NINL: variants seen among roughly 807,000 people sequenced by gnomAD.
The protein encoded by NINL is ninein-like protein.
NINL carries 153 observed loss-of-function variants against 160.3 expected under a neutral mutation model. The observed-to-expected ratio is 0.95, with a 90% CI of 0.84 to 1.09. The LOEUF (loss-of-function observed/expected upper bound fraction) is 1.09, where lower values mean the gene tolerates loss of function less well. Among genes scored for constraint, NINL ranks in the 50% least tolerant of loss-of-function variants. The probability of loss-of-function intolerance (pLI) is 0.00; values close to 1 mark genes in which losing one functional copy is unlikely to be tolerated. For missense variants in NINL, 1,829 were observed against 1,764.0 expected (o/e 1.04, Z -0.66); for synonymous variants, 800 against 734.8 (o/e 1.09, Z -1.43).
At chr20:25,488,495 A>G (rs1368969613) in intron 13 of NINL, among the ~76,000 whole-genome samples, 1 of 152,024 alleles carries the variant, frequency 6.6e-6, no homozygotes, top group Non-Finnish European at 1.5e-5. Flanking sequence ...AAGTGCTGGG[A>G]TTACAGGTGT....
In NINL at chr20:25,553,314, G is replaced by T. The variant is rs1021176698; in HGVS notation, c.-11-26716C>A. On this transcript the variant is annotated intron_variant, in intron 1 of 23. Coordinates refer to ENST00000278886, the MANE Select transcript of NINL (RefSeq NM_025176.6). ...CAGACATACTGTTACAAAAAAAACC[G>T]AAAACAAAAACAAAAATCCAAAGGT... 2.6e-5 allele frequency among the ~76,000 whole-genome samples: 4 copies of T among 151,776 alleles called. No homozygotes were observed. In the East Asian group the frequency reaches 7.7e-4, roughly 29 times the overall value.
intron 10 of NINL, 137 bp downstream of exon 10, chr20:25,496,524 CCT>C (rs1041493896): frequency 2.9e-5 from 30 of 1,037,896 alleles, no homozygotes; most frequent in African/African-American, 1.3e-4. Context: ...CTGGATTCCC[CCT>C]GACTCAGGTG....
rs141065152 is a variant in NINL, at chr20:25,458,454, G to A, written c.3772C>T (p.Arg1258Cys). The A allele has an allele frequency of 7.6e-5, 122 of 1,605,144 alleles. No homozygotes were observed. The highest frequency in any genetic ancestry group is 4.8e-4 in the African/African-American group (36 of 74,990). The change falls in exon 22 of 24, where the codon CGT becomes TGT. Residue 1258 changes from arginine (R) to cysteine (C), a missense_variant. By Grantham distance (180) the Arg-to-Cys change is radical (BLOSUM62 -3). Transcript: ENST00000278886. ...LQEVRLVPQD[R>C]VAELHRLLSL... Reference sequence around the variant, plus strand: ...AGCAGGCGATGCAGCTCGGCCACACGGTCCTGGGGCACCAGCCGGACCTCC... The same window carrying A: ...AGCAGGCGATGCAGCTCGGCCACACAGTCCTGGGGCACCAGCCGGACCTCC...
At chr20:25,525,736 C>T (rs1164056857) in intron 2 of NINL, among the ~76,000 whole-genome samples, 5 of 152,174 alleles carry the variant, frequency 3.3e-5, no homozygotes, top group African/African-American at 1.2e-4. Context: ...AGATAAGGCA[C>T]TGCTGTTAGC....
At chr20:25,524,823 G>T (rs773244161) in intron 2 of NINL, among the ~76,000 whole-genome samples, 3 of 151,258 alleles carry the variant, frequency 2.0e-5, no homozygotes, top group African/African-American at 7.3e-5. Context: ...TACTCTTTTG[G>T]TTTTGAATTT....
intron 1 of NINL, among the ~76,000 whole-genome samples, chr20:25,547,131 G>C (rs972538309): frequency 2.6e-5 from 4 of 152,084 alleles, no homozygotes; most frequent in African/African-American, 9.7e-5. Context: ...GAGTAATAGG[G>C]AATTCTGTTA....
chr20:25,464,143 G>A lies in NINL; in HGVS notation c.3424-1602C>T, dbSNP rs377003512. Among the ~76,000 whole-genome samples the A allele has an allele frequency of 2.5e-4, 38 of 152,268 alleles. No individual in the cohort carries two copies. In the East Asian group the frequency reaches 6.2e-3, roughly 25 times the overall value. On this transcript the variant is annotated intron_variant, in intron 19 of 23. Coordinates refer to ENST00000278886, the MANE Select transcript of NINL (RefSeq NM_025176.6). ...TAAACTCTTCATTTGGTGGCTGGGC[G>A]TGGTGGCTCATGCCTGTAATACCAG...
At position 25,505,767 on chromosome 20, in the gene NINL, G is replaced by A. The variant is rs187095715; in HGVS notation, c.518-689C>T. On this transcript the variant is annotated intron_variant, in intron 5 of 23. Transcript: ENST00000278886. Reference sequence around the variant, plus strand: ...ATAGCAGGATGGATGGACAGACAGAGGGATGGATGGACGGACAAAGGGGAG... The same window carrying A: ...ATAGCAGGATGGATGGACAGACAGAAGGATGGATGGACGGACAAAGGGGAG... Among the ~76,000 whole-genome samples, 10 of 152,310 alleles carry A rather than the reference G, an allele frequency of 6.6e-5. No homozygotes were observed. In the East Asian group the frequency reaches 1.5e-3, roughly 24 times the overall value.
At position 25,489,227 on chromosome 20, in the gene NINL, A is replaced by G; in HGVS notation, c.1677+17T>C. 2 of 1,613,266 alleles carry G rather than the reference A, an allele frequency of 1.2e-6. No individual in the cohort carries two copies. The highest frequency in any genetic ancestry group is 1.7e-6 in the Non-Finnish European group (2 of 1,179,164). On this transcript the variant is annotated intron_variant, in intron 13 of 23. Transcript: ENST00000278886. ...GCCTGGACATGAGACTAAAAGGCAG[A>G]CAGAGCAGGCACGTACCCGGCACTT...
chr20:25,573,444 AAC>A (rs1197497544), intron 1 of NINL, among the ~76,000 whole-genome samples: 1 of 152,218 alleles, frequency 6.6e-6, no homozygotes, highest in East Asian at 1.9e-4. Flanking sequence ...CTAGAGGCAT[AAC>A]ACACAACACT....
chr20:25,490,885 C>T (rs1303346954), intron 11 of NINL, among the ~76,000 whole-genome samples: 7 of 151,984 alleles, frequency 4.6e-5, no homozygotes, highest in Non-Finnish European at 1.0e-4. Flanking sequence ...GCACCTCTGT[C>T]CCGCTGCGAT....
rs578096632 is a variant in NINL at position 25,504,776 on chromosome 20, G to C, written c.708+112C>G. ...AGAGCCACCAAAGGATTTTAGATTA[G>C]AAAGTGATGCACCTACATGAGTGGC... On this transcript the variant is annotated intron_variant, in intron 6 of 23. Transcript: ENST00000278886. 15 of 1,104,534 alleles carry C rather than the reference G, an allele frequency of 1.4e-5. No homozygotes were observed. In the Admixed American group the frequency reaches 3.4e-4, roughly 25 times the overall value. 68.4% of individuals were successfully genotyped at this position (1,104,534 alleles called of 1,614,324 possible).
At chr20:25,486,455 C>T (rs59802545) in intron 13 of NINL, among the ~76,000 whole-genome samples, 3,325 of 152,264 alleles carry the variant, frequency 0.022, 111 homozygotes, top group African/African-American at 0.075. Context: ...GGAAGGTTAT[C>T]TCTAGGTTCT....
chr20:25,535,353 C>T (rs1366534072), intron 1 of NINL, among the ~76,000 whole-genome samples: 1 of 152,122 alleles, frequency 6.6e-6, no homozygotes, highest in Non-Finnish European at 1.5e-5. Flanking sequence ...GTGGTGACTA[C>T]AGTTAATAAT....
At chr20:25,493,769 G>A (rs1248056179) in intron 10 of NINL, among the ~76,000 whole-genome samples, 1 of 151,904 alleles carries the variant, frequency 6.6e-6, no homozygotes, top group Non-Finnish European at 1.5e-5. Context: ...CAGGAGCAGG[G>A]ATACCGCTTC....
At chr20:25,460,745 T>C (rs1342574228) in intron 21 of NINL, among the ~76,000 whole-genome samples, 2 of 152,140 alleles carry the variant, frequency 1.3e-5, no homozygotes, top group African/African-American at 4.8e-5. Flanking sequence ...GGGGAGCCTC[T>C]GCACAGGGCG....
intron 10 of NINL, among the ~76,000 whole-genome samples, chr20:25,493,801 T>C (rs569639992): frequency 5.9e-5 from 9 of 151,600 alleles, no homozygotes; most frequent in Middle Eastern, 6.8e-3. Flanking sequence ...CCTTCCAGGC[T>C]CAGGGCAGGG....
At chr20:25,561,688 C>T in intron 1 of NINL, among the ~76,000 whole-genome samples, 1 of 151,580 alleles carries the variant, frequency 6.6e-6, no homozygotes, top group East Asian at 2.0e-4. Context: ...CCCCGCCGCC[C>T]CGTCTGGGAT....
At chr20:25,461,691 T>A in intron 20 of NINL, 56 bp from the exon 21 acceptor site, 1 of 1,195,736 alleles carries the variant, frequency 8.4e-7, no homozygotes, top group Non-Finnish European at 1.2e-6. Flanking sequence ...GTCTGGTATG[T>A]AATTCGTGCA....
Sources: allele counts gnomAD v4.1 joint callset (sites outside exome capture counted in the v4.1 genomes callset), GRCh38; gene constraint gnomAD v4.1.1; transcripts MANE v1.5; gene names NCBI Gene and HGNC (gene_info 2026-07-23, HGNC 2026-07-21).